ZMAT4: variants seen among roughly 807,000 people sequenced by gnomAD.
The protein encoded by ZMAT4 is zinc finger matrin-type protein 4.
Under a neutral mutation model 28.7 loss-of-function variants are expected in ZMAT4, and 17 were observed. The observed-to-expected ratio is 0.59, with a 90% CI of 0.41 to 0.89. The LOEUF is 0.89. Among genes scored for constraint, ZMAT4 ranks in the 40% least tolerant of loss-of-function variants. The pLI is 0.00. For synonymous variants in ZMAT4, 117 were observed against 109.2 expected (o/e 1.07, Z -0.44); for missense variants, 240 against 283.8 (o/e 0.85, Z 1.11).
chr8:40,832,675 G>T (rs912322968), intron 1 of ZMAT4, among the ~76,000 whole-genome samples: 1 of 152,178 alleles, frequency 6.6e-6, no homozygotes, highest in African/African-American at 2.4e-5. Flanking sequence ...CTCCACAGCC[G>T]ACTAAAAATG....
intron 3 of ZMAT4, among the ~76,000 whole-genome samples, chr8:40,730,571 C>T (rs181989751): frequency 1.5e-3 from 232 of 152,242 alleles, no homozygotes; most frequent in African/African-American, 5.4e-3. Flanking sequence ...TCTGTGTATG[C>T]AGGTTCTTAA....
chr8:40,740,801 G>T (rs999675220), intron 3 of ZMAT4, among the ~76,000 whole-genome samples: 1 of 152,214 alleles, frequency 6.6e-6, no homozygotes, highest in African/African-American at 2.4e-5. Context: ...GGGGGCTGGT[G>T]TTGAAGGACT....
chr8:40,773,724 T>C (rs968820522), intron 2 of ZMAT4, among the ~76,000 whole-genome samples: 1 of 152,100 alleles, frequency 6.6e-6, no homozygotes, highest in African/African-American at 2.4e-5. Context: ...TAATACAGAA[T>C]GGAAATTCAA....
intron 2 of ZMAT4, among the ~76,000 whole-genome samples, chr8:40,788,946 A>C (rs1285403818): frequency 1.3e-5 from 2 of 149,864 alleles, no homozygotes; most frequent in African/African-American, 2.4e-5. Flanking sequence ...AGAATTTATC[A>C]TACCTACAGA....
intron 4 of ZMAT4, among the ~76,000 whole-genome samples, chr8:40,690,508 C>A (rs1049476463): frequency 1.2e-4 from 18 of 152,326 alleles, no homozygotes; most frequent in African/African-American, 4.3e-4. Flanking sequence ...CTATTAAGAT[C>A]TGCTTGTTTG....
chr8:40,865,868 C>G (rs1181683107), intron 1 of ZMAT4, among the ~76,000 whole-genome samples: 1 of 152,154 alleles, frequency 6.6e-6, no homozygotes, highest in East Asian at 1.9e-4. Context: ...TCGTCCCAAC[C>G]AATTTTTAGA....
At chr8:40,852,670 T>C (rs1343403474) in intron 1 of ZMAT4, among the ~76,000 whole-genome samples, 1 of 152,212 alleles carries the variant, frequency 6.6e-6, no homozygotes, top group Non-Finnish European at 1.5e-5. Context: ...CTTTTTGTAC[T>C]CCATTGTAAA....
chr8:40,803,618 C>T (rs1814949699), intron 2 of ZMAT4, among the ~76,000 whole-genome samples: 1 of 152,174 alleles, frequency 6.6e-6, no homozygotes, highest in Non-Finnish European at 1.5e-5. Context: ...GAGCTCTCAT[C>T]ATTGCTGGTG....
chr8:40,587,114 GAA>G (rs199859817), intron 5 of ZMAT4, among the ~76,000 whole-genome samples: 1 of 118,410 alleles, frequency 8.4e-6, no homozygotes. Flanking sequence ...AGTGATAAAA[GAA>G]AAAAAAAAAA....
chr8:40,833,825 T>C (rs1023323480), intron 1 of ZMAT4, among the ~76,000 whole-genome samples: 4 of 152,164 alleles, frequency 2.6e-5, no homozygotes, highest in Admixed American at 2.6e-4. Flanking sequence ...ATCTTTCTTC[T>C]GGTTTGAGGC....
chr8:40,694,542 T>G (rs1317746633), intron 4 of ZMAT4, among the ~76,000 whole-genome samples: 1 of 152,146 alleles, frequency 6.6e-6, no homozygotes, highest in Non-Finnish European at 1.5e-5. Flanking sequence ...TTCATTTGCA[T>G]GCTCCCTGGG....
chr8:40,763,171 C>T (rs1294285225), intron 3 of ZMAT4, among the ~76,000 whole-genome samples: 2 of 152,204 alleles, frequency 1.3e-5, no homozygotes, highest in South Asian at 2.1e-4. Flanking sequence ...ACAGGGTCTA[C>T]ACATCTGACT....
At chr8:40,620,170 C>T (rs781174848) in intron 5 of ZMAT4, among the ~76,000 whole-genome samples, 39 of 152,164 alleles carry the variant, frequency 2.6e-4, no homozygotes, top group Non-Finnish European at 5.3e-4. Flanking sequence ...CAGGTTATTG[C>T]TATAGGGTAT....
At chr8:40,754,152 C>A (rs193285198) in intron 3 of ZMAT4, among the ~76,000 whole-genome samples, 34 of 149,012 alleles carry the variant, frequency 2.3e-4, no homozygotes, top group African/African-American at 8.2e-4. Context: ...AGCCTGGCAA[C>A]AGAGCAAGAC....
intron 1 of ZMAT4, among the ~76,000 whole-genome samples, chr8:40,882,468 C>T (rs1235003656): frequency 6.6e-6 from 1 of 152,096 alleles, no homozygotes; most frequent in Non-Finnish European, 1.5e-5. Context: ...CTGTGAAAGT[C>T]GGACACAGGT....
intron 5 of ZMAT4, among the ~76,000 whole-genome samples, chr8:40,666,147 T>C (rs1808405547): frequency 6.6e-6 from 1 of 152,224 alleles, no homozygotes; most frequent in African/African-American, 2.4e-5. Context: ...AGAAACTGCC[T>C]TCTATCTGTG....
At chr8:40,857,483 C>T (rs1189479296) in intron 1 of ZMAT4, among the ~76,000 whole-genome samples, 1 of 152,082 alleles carries the variant, frequency 6.6e-6, no homozygotes, top group African/African-American at 2.4e-5. Context: ...TTCCACTACA[C>T]ATTTGTTAGA....
At chr8:40,674,624 G>T in intron 5 of ZMAT4, 80 bp downstream of exon 5, 1 of 1,156,224 alleles carries the variant, frequency 8.6e-7, no homozygotes, top group South Asian at 1.4e-5. Flanking sequence ...GCAAGAAGAA[G>T]AATCATTCCG....
chr8:40,581,128 C>G (rs368575486), intron 6 of ZMAT4, 37 bp downstream of exon 6: 1 of 1,551,348 alleles, frequency 6.4e-7, no homozygotes, highest in Non-Finnish European at 8.9e-7. Context: ...AAAATTACAT[C>G]GAAGAAACTG....
Sources: allele counts gnomAD v4.1 joint callset (sites outside exome capture counted in the v4.1 genomes callset), GRCh38; gene constraint gnomAD v4.1.1; transcripts MANE v1.5; gene names NCBI Gene and HGNC (gene_info 2026-07-23, HGNC 2026-07-21).